GRIK5: variants seen among roughly 807,000 people sequenced by gnomAD.
GRIK5 encodes glutamate ionotropic receptor kainate type subunit 5.
GRIK5 carries 43 observed loss-of-function variants against 97.4 expected under a neutral mutation model. That is an observed-to-expected ratio of 0.44 (90% CI 0.35 to 0.57). The LOEUF is 0.57. Among genes scored for constraint, GRIK5 ranks in the 20% least tolerant of loss-of-function variants. The probability of loss-of-function intolerance (pLI) is 0.01; values close to 1 mark genes in which losing one functional copy is unlikely to be tolerated. For synonymous variants in GRIK5, 580 were observed against 583.5 expected (o/e 0.99, Z 0.09); for missense variants, 1,015 against 1,382.0 (o/e 0.73, Z 4.21).
In GRIK5 at chr19:42,042,805, G is replaced by C. The variant is rs2075995428; in HGVS notation, c.1270-50C>G. On this transcript the variant is annotated intron_variant, in intron 11 of 19. Transcript: ENST00000593562. This position sits in a 1 kb window ranked among gnomAD's most constrained non-coding sequence, Gnocchi z 6.9. ...GTCAGAGGCTGGGTGTCTAGTGGCTGGGTTGCGGATCCTGGAGCCCGGACC... is the reference window on the plus strand; with the variant it reads ...GTCAGAGGCTGGGTGTCTAGTGGCTCGGTTGCGGATCCTGGAGCCCGGACC... 6.8e-7 allele frequency: 1 copy of C among 1,479,132 alleles called. No individual in the cohort carries two copies. Among genetic ancestry groups the C allele is most frequent in the African/African-American group, 1.4e-5 (1 of 72,488 alleles). The allele number at this position is 1,479,132 out of a possible 1,614,324, so 91.6% of individuals were successfully genotyped here.
Position 42,053,662 on chromosome 19 carries a change from G to T in GRIK5, c.1209C>A (p.Thr403=). 3 of 1,613,704 alleles carry T rather than the reference G, an allele frequency of 1.9e-6. No homozygotes were observed. Among genetic ancestry groups the T allele is most frequent in the Non-Finnish European group, 2.5e-6 (3 of 1,179,582 alleles). The change falls in exon 11 of 20, where the codon ACC becomes ACA. Residue 403 remains threonine (T), a synonymous_variant. Transcript: ENST00000593562. ...GTGTCTGCGACAGGTTGATGTCCAG[G>T]GTGGTGGCATTCATGGCCAGGGTGC... ...SNRTLAMNAT[T]LDINLSQTLA... is the part of the protein sequence containing the mutation.
intron 5 of GRIK5, 61 bp from the exon 6 acceptor site, chr19:42,059,588 ACTCT>A: frequency 7.1e-7 from 1 of 1,411,474 alleles, no homozygotes; most frequent in South Asian, 1.2e-5. Flanking sequence ...TGGCGTAGAC[ACTCT>A]CTCCTCCTCA....
intron 11 of GRIK5, among the ~76,000 whole-genome samples, chr19:42,048,945 G>A (rs907135156): frequency 6.6e-6 from 1 of 152,002 alleles, no homozygotes; most frequent in Non-Finnish European, 1.5e-5. Flanking sequence ...AGGAGGCTGA[G>A]ATAGGAGAAG....
intron 12 of GRIK5, among the ~76,000 whole-genome samples, chr19:42,026,571 T>TATTATC (rs968732890): frequency 1.3e-5 from 2 of 149,580 alleles, no homozygotes; most frequent in Non-Finnish European, 3.0e-5. Context: ...TTATTATTAT[T>TATTATC]ATTATCATTA....
At chr19:42,058,628 C>T (rs1196195387) in intron 6 of GRIK5, among the ~76,000 whole-genome samples, 1 of 150,314 alleles carries the variant, frequency 6.7e-6, no homozygotes, top group East Asian at 2.0e-4. Flanking sequence ...GAGTTCAAGA[C>T]CATCCTGGCC....
rs1024852070 is a variant in GRIK5, at chr19:42,070,152, C to T, written c.-962G>A. Among the ~76,000 whole-genome samples the T allele has an allele frequency of 1.3e-5, 2 of 152,162 alleles. No individual in the cohort carries two copies. Among genetic ancestry groups the T allele is most frequent in the South Asian group, 2.1e-4 (1 of 4,824 alleles). On this transcript the variant is annotated 5_prime_UTR_variant, in exon 1 of 20. Transcript: ENST00000593562. Reference sequence around the variant, plus strand: ...TGCCGCCACCGCTCAGTCTCCCCTCCGAGGCCGCCGCCTGCCTGCCCGCCT... The same window carrying T: ...TGCCGCCACCGCTCAGTCTCCCCTCTGAGGCCGCCGCCTGCCTGCCCGCCT...
In GRIK5 at chr19:42,069,766, C is replaced by T. The variant is rs1238141258; in HGVS notation, c.-576G>A. On this transcript the variant is annotated 5_prime_UTR_variant, in exon 1 of 20. Coordinates refer to ENST00000593562, the MANE Select transcript of GRIK5 (RefSeq NM_002088.5). ...GGGCCGCCCCCTTTCCCCCTCCCCC[C>T]TGGAGCCTGGGCCCTGCCCTGGTTG... is the stretch of plus-strand genomic sequence containing the variant. Among the ~76,000 whole-genome samples, 1 of 151,854 alleles carries T rather than the reference C, an allele frequency of 6.6e-6. No individual in the cohort carries two copies. The highest frequency in any genetic ancestry group is 1.5e-5 in the Non-Finnish European group (1 of 67,880).
chr19:42,010,552 T>C lies in GRIK5; in HGVS notation c.1872-3742A>G, dbSNP rs989498646. ...GAAAAATCAAAACAAACTGTCAACC[T>C]AGAATTCCACAGCAGGCAAAAATAT... On this transcript the variant is annotated intron_variant, in intron 15 of 19. Coordinates refer to ENST00000593562, the MANE Select transcript of GRIK5 (RefSeq NM_002088.5). 1.3e-4 allele frequency among the ~76,000 whole-genome samples: 20 copies of C among 152,152 alleles called. 1 individual carries two copies. Among genetic ancestry groups the C allele is most frequent in the Admixed American group, 8.5e-4 (13 of 15,278 alleles).
rs533025882 is a variant in GRIK5 at position 42,002,257 on chromosome 19, G to A, written c.2514+1075C>T. ...GAGACCCCCCACTGCTGCCAAGGCT[G>A]TAAAGAGAAGGGAAGAAAGTGGGCG... On this transcript the variant is annotated intron_variant, in intron 19 of 19. Coordinates refer to ENST00000593562, the MANE Select transcript of GRIK5 (RefSeq NM_002088.5). This position sits in a 1 kb window ranked among gnomAD's most constrained non-coding sequence, Gnocchi z 5.2. 7.5e-5 allele frequency: 54 copies of A among 717,698 alleles called. No homozygotes were observed. Among genetic ancestry groups the A allele is most frequent in the South Asian group, 5.0e-4 (34 of 67,604 alleles). 44.5% of individuals were successfully genotyped at this position (717,698 alleles called of 1,614,324 possible).
At chr19:42,012,290 G>T (rs769520877) in intron 15 of GRIK5, among the ~76,000 whole-genome samples, 2 of 151,986 alleles carry the variant, frequency 1.3e-5, no homozygotes, top group Non-Finnish European at 2.9e-5. Flanking sequence ...TCTCTCTGTT[G>T]CCCAGGTTGG....
At position 42,069,715 on chromosome 19, in the gene GRIK5, G is replaced by A. The variant is rs2076397236; in HGVS notation, c.-525C>T. Among the ~76,000 whole-genome samples the A allele has an allele frequency of 6.6e-6, 1 of 151,628 alleles. No homozygotes were observed. The highest frequency in any genetic ancestry group is 2.4e-5 in the African/African-American group (1 of 41,354). On this transcript the variant is annotated 5_prime_UTR_variant, in exon 1 of 20. Transcript: ENST00000593562. ...GGAAGCCGGCCATCAGGAGAAGTGG[G>A]GGAGGGGAGGGCCTGCTGGGGGAGG...
Position 42,021,513 on chromosome 19 carries a change from C to G in GRIK5, c.1698-39G>C, listed in dbSNP as rs1321890013. Reference sequence around the variant, plus strand: ...TGCAGCGTGTGGATGGGGCCCAGAGCCCAGGTGGGGAGGAAAAGGAAAGAA... The same window carrying G: ...TGCAGCGTGTGGATGGGGCCCAGAGGCCAGGTGGGGAGGAAAAGGAAAGAA... On this transcript the variant is annotated intron_variant, in intron 14 of 19. Coordinates refer to ENST00000593562, the MANE Select transcript of GRIK5 (RefSeq NM_002088.5). This position sits in a 1 kb window ranked among gnomAD's most constrained non-coding sequence, Gnocchi z 4.2. 4 of 1,469,752 alleles carry G rather than the reference C, an allele frequency of 2.7e-6. No individual in the cohort carries two copies. The South Asian group carries it at 4.2e-5, about 15-fold the overall frequency. 91.0% of individuals were successfully genotyped at this position (1,469,752 alleles called of 1,614,324 possible).
chr19:42,026,411 C>T (rs1270611170), intron 12 of GRIK5, among the ~76,000 whole-genome samples: 1 of 151,954 alleles, frequency 6.6e-6, no homozygotes, highest in African/African-American at 2.4e-5. Flanking sequence ...GCAGATGCCA[C>T]CACACCTGTC....
intron 5 of GRIK5, among the ~76,000 whole-genome samples, chr19:42,060,369 G>A (rs907084373): frequency 6.6e-6 from 1 of 152,076 alleles, no homozygotes; most frequent in Admixed American, 6.6e-5. Flanking sequence ...AACAAACACC[G>A]CAAATAAATG....
At chr19:42,059,319 C>A in intron 6 of GRIK5, 30 bp downstream of exon 6, 1 of 1,583,964 alleles carries the variant, frequency 6.3e-7, no homozygotes, top group Non-Finnish European at 8.7e-7. Flanking sequence ...TGGCCCCAGT[C>A]CTTTGGGAAA....
Position 41,999,616 on chromosome 19 carries a change from G to T in GRIK5, c.2515-317C>A, listed in dbSNP as rs1411772890. On this transcript the variant is annotated intron_variant, in intron 19 of 19. Coordinates refer to ENST00000593562, the MANE Select transcript of GRIK5 (RefSeq NM_002088.5). This position sits in a 1 kb window ranked among gnomAD's most constrained non-coding sequence, Gnocchi z 5.0. ...AAATTTTCTCCAGTTCTTCCTTCCT[G>T]ATTTCCCATCTTCTGCCCCTCATCC... is the stretch of plus-strand genomic sequence containing the variant. Among the ~76,000 whole-genome samples the T allele has an allele frequency of 2.4e-4, 37 of 152,026 alleles. No individual in the cohort carries two copies. Among genetic ancestry groups the T allele is most frequent in the Admixed American group, 1.6e-3 (25 of 15,278 alleles).
Position 42,042,902 on chromosome 19 carries a change from A to C in GRIK5, c.1270-147T>G. On this transcript the variant is annotated intron_variant, in intron 11 of 19. Coordinates refer to ENST00000593562, the MANE Select transcript of GRIK5 (RefSeq NM_002088.5). The surrounding 1 kb of genome is among the most constrained non-coding windows in gnomAD (Gnocchi z 6.9). Reference sequence around the variant, plus strand: ...CATAGTACACATTTCTCACTTACAAATGCTCAGAGTGGGGAATAGACCTGA... The same window carrying C: ...CATAGTACACATTTCTCACTTACAACTGCTCAGAGTGGGGAATAGACCTGA... 1 of 649,422 alleles carries C rather than the reference A, an allele frequency of 1.5e-6. No homozygotes were observed. 40.2% of individuals were successfully genotyped at this position (649,422 alleles called of 1,614,324 possible).
At chr19:42,019,183 A>C (rs915541439) in intron 15 of GRIK5, among the ~76,000 whole-genome samples, 1 of 152,052 alleles carries the variant, frequency 6.6e-6, no homozygotes, top group Non-Finnish European at 1.5e-5. Flanking sequence ...GGTCTCCCCC[A>C]ACCCTCCTGT....
intron 12 of GRIK5, among the ~76,000 whole-genome samples, chr19:42,040,332 G>A (rs1437410655): frequency 2.0e-5 from 3 of 152,192 alleles, no homozygotes; most frequent in African/African-American, 7.2e-5. Context: ...TTCTCTGTTG[G>A]TGAAAAAAGG....
Sources: gnomAD v4.1 joint callset for allele counts (sites outside exome capture counted in the v4.1 genomes callset) on GRCh38, gnomAD v4.1.1 for gene constraint, Gnocchi (gnomAD v3.1) non-coding constraint, MANE v1.5 for transcripts, NCBI Gene and HGNC (gene_info 2026-07-23, HGNC 2026-07-21) for gene names.